Variants in SNF8 observed in about 807,000 individuals in gnomAD.
SNF8 encodes the protein vacuolar-sorting protein SNF8.
In SNF8, 19 loss-of-function variants were observed where a neutral mutation model predicts 36.8. That is an observed-to-expected ratio of 0.52 (90% CI 0.36 to 0.76). SNF8 has a LOEUF of 0.76. Ranked by LOEUF, SNF8 falls within the 30% of genes least tolerant of loss-of-function variation. The pLI is 0.00. For missense variants in SNF8, 268 were observed against 322.9 expected, an observed-to-expected ratio of 0.83 and a Z score of 1.30; for synonymous variants, 127 against 127.4, an observed-to-expected ratio of 1.00 and a Z score of 0.02.
chr17:48,935,594 TTG>T (rs1249506043), intron 5 of SNF8: 5 of 151,704 alleles, frequency 3.3e-5, no homozygotes, highest in African/African-American at 1.2e-4. Context: ...GGCACGAGAA[TTG>T]CTTGAACCCA....
At chr17:48,939,455 T>C (rs9747951) in intron 3 of SNF8, among the ~76,000 whole-genome samples, 39,916 of 142,758 alleles carry the variant, frequency 0.28, 6,971 homozygotes, top group Non-Finnish European at 0.39. Flanking sequence ...AAATTAGTAA[T>C]TTCTTTTTTT....
intron 3 of SNF8, chr17:48,937,372 A>C (rs992565439): frequency 3.3e-6 from 2 of 598,916 alleles, no homozygotes; most frequent in African/African-American, 3.7e-5. Context: ...TCACGCCTGT[A>C]ATTCCAACAC....
At chr17:48,939,472 T>G (rs991191949) in intron 3 of SNF8, among the ~76,000 whole-genome samples, 12 of 150,026 alleles carry the variant, frequency 8.0e-5, no homozygotes, top group African/African-American at 2.9e-4. Context: ...TTTTTTTTTT[T>G]TTGGGGGGAT....
Position 48,937,054 on chromosome 17 carries a change from G to A in SNF8, c.315C>T (p.Ile105=), listed in dbSNP as rs140203050. 23 of 1,614,056 alleles carry A rather than the reference G, an allele frequency of 1.4e-5. No individual in the cohort carries two copies. In the Admixed American group the frequency reaches 1.5e-4, roughly 11 times the overall value. ...GATGCTTCAGCGCCAGGCACACTTC[G>A]ATAATTTGGACACCTAGTTCGTAAT... ...DFYYELGVQI[I]EVCLALKHRN... Residue 105 remains isoleucine (I), a synonymous_variant, in exon 4 of 8, where the codon ATC becomes ATT. Coordinates refer to ENST00000502492, the MANE Select transcript of SNF8 (RefSeq NM_007241.4).
chr17:48,944,291 G>C (rs1018991230), intron 1 of SNF8, among the ~76,000 whole-genome samples: 2 of 152,146 alleles, frequency 1.3e-5, no homozygotes, highest in Non-Finnish European at 2.9e-5. Context: ...GACAGAGCAA[G>C]ACTCTGTCTC....
At chr17:48,931,334 C>G (rs1057181595) in intron 7 of SNF8, among the ~76,000 whole-genome samples, 2 of 152,126 alleles carry the variant, frequency 1.3e-5, no homozygotes, top group African/African-American at 4.8e-5. Flanking sequence ...GTGTTACTTC[C>G]AGTACAAACT....
chr17:48,931,989 G>T (rs539193797), intron 6 of SNF8: 1 of 249,884 alleles, frequency 4.0e-6, no homozygotes, highest in African/African-American at 2.3e-5. Context: ...GGAGGCCGAG[G>T]TGGGTGGATC....
chr17:48,941,685 A>G (rs892510116), intron 2 of SNF8, among the ~76,000 whole-genome samples: 5 of 150,702 alleles, frequency 3.3e-5, no homozygotes, highest in African/African-American at 9.7e-5. Context: ...CAATCAATCA[A>G]TATTTTTTTT....
chr17:48,942,814 C>T (rs78473286), intron 2 of SNF8, among the ~76,000 whole-genome samples: 1 of 143,986 alleles, frequency 6.9e-6, no homozygotes, highest in Non-Finnish European at 1.5e-5. Context: ...TCCCAAAGTG[C>T]TGGGATTACA....
rs2040930516 is a variant in SNF8, at chr17:48,936,112, C to G, written c.422+58G>C. On this transcript the variant is annotated intron_variant, in intron 5 of 7. Transcript: ENST00000502492. ...CATGAGGAATAGGGAGAAAAGAGTT[C>G]CATCTGAATTTTAAAGACCTCTTTC... 2.4e-6 allele frequency: 3 copies of G among 1,226,356 alleles called. No homozygotes were observed. In the Admixed American group the frequency reaches 5.1e-5, roughly 21 times the overall value. The allele number at this position is 1,226,356 out of a possible 1,614,324, so 76.0% of individuals were successfully genotyped here. A position where few individuals can be genotyped will look rare whatever the true frequency, so the allele number is the denominator to read the frequency against.
chr17:48,936,839 A>C (rs1340032721), intron 4 of SNF8, 181 bp downstream of exon 4: 5 of 634,702 alleles, frequency 7.9e-6, no homozygotes, highest in Non-Finnish European at 1.4e-5. Flanking sequence ...ACAATCGTTC[A>C]GGTAATTCTA....
At chr17:48,943,841 T>C (rs532318588) in intron 2 of SNF8, 84 bp downstream of exon 2, 53 of 1,250,114 alleles carry the variant, frequency 4.2e-5, no homozygotes, top group South Asian at 7.2e-5. Flanking sequence ...TAGTTCAATC[T>C]ACACAATCAA....
At chr17:48,932,916 T>A in intron 6 of SNF8, 1 of 318,798 alleles carries the variant, frequency 3.1e-6, no homozygotes. Context: ...AGAGTCTGGC[T>A]ACCCAAAGAA....
chr17:48,934,926 A>G (rs1418795008), intron 5 of SNF8, among the ~76,000 whole-genome samples: 1 of 152,118 alleles, frequency 6.6e-6, no homozygotes, highest in Admixed American at 6.6e-5. Flanking sequence ...AGTTACATCA[A>G]AAACAGCCTT....
intron 2 of SNF8, among the ~76,000 whole-genome samples, 187 bp downstream of exon 2, chr17:48,943,738 A>G (rs1479541445): frequency 6.6e-6 from 1 of 152,216 alleles, no homozygotes; most frequent in African/African-American, 2.4e-5. Context: ...CAAGCATGTA[A>G]TCACTCAAAG....
intron 5 of SNF8, 101 bp from the exon 6 acceptor site, chr17:48,933,447 G>A: frequency 7.4e-7 from 1 of 1,354,630 alleles, no homozygotes; most frequent in Non-Finnish European, 1.0e-6. Flanking sequence ...AAATTTAGAA[G>A]ACTGCACAAC....
chr17:48,939,216 T>G, intron 3 of SNF8, among the ~76,000 whole-genome samples: 1 of 141,380 alleles, frequency 7.1e-6, no homozygotes. Flanking sequence ...GAGCCAAGAG[T>G]GTCACACCAC....
chr17:48,931,363 G>A (rs528436239), intron 7 of SNF8, among the ~76,000 whole-genome samples: 1 of 152,300 alleles, frequency 6.6e-6, no homozygotes, highest in South Asian at 2.1e-4. Context: ...CTCCTGACCA[G>A]CAACTCCAGG....
chr17:48,936,976 C>A (rs778549461), intron 4 of SNF8, 44 bp downstream of exon 4: 1 of 1,369,374 alleles, frequency 7.3e-7, no homozygotes, highest in Admixed American at 1.7e-5. Flanking sequence ...TTCTCCCTCT[C>A]AGAGAAGTCC....
Sources: gnomAD v4.1 joint callset for allele counts (sites outside exome capture counted in the v4.1 genomes callset) on GRCh38, gnomAD v4.1.1 for gene constraint, MANE v1.5 for transcripts, NCBI Gene and HGNC (gene_info 2026-07-23, HGNC 2026-07-21) for gene names.